Variants in ATP8B4 observed in about 807,000 individuals in gnomAD.
The protein encoded by ATP8B4 is ATPase phospholipid transporting 8B4 (putative).
ATP8B4 carries 133 observed loss-of-function variants against 145.6 expected under a neutral mutation model. The ratio of observed to expected loss-of-function variants is 0.91; its 90% CI spans 0.79 to 1.05. The LOEUF (loss-of-function observed/expected upper bound fraction) is 1.05, where lower values mean the gene tolerates loss of function less well. ATP8B4 is among the 50% of genes least tolerant of loss of function. The pLI, the probability that ATP8B4 is intolerant of heterozygous loss-of-function variation, is 0.00. For missense variants in ATP8B4, 1,458 were observed against 1,425.2 expected, an observed-to-expected ratio of 1.02 and a Z score of -0.37; for synonymous variants, 507 against 492.9, an observed-to-expected ratio of 1.03 and a Z score of -0.38.
chr15:50,168,320 T>C (rs1361921126), intron 1 of ATP8B4, among the ~76,000 whole-genome samples: 1 of 152,004 alleles, frequency 6.6e-6, no homozygotes. Context: ...AGTAGACTGC[T>C]CCTGCAGGAC....
intron 2 of ATP8B4, among the ~76,000 whole-genome samples, chr15:50,097,759 A>G (rs1045199275): frequency 8.5e-5 from 13 of 152,192 alleles, no homozygotes; most frequent in African/African-American, 3.1e-4. Context: ...ACTGGACAAC[A>G]CTATTTTTGT....
chr15:49,935,993 A>T (rs552134802), intron 14 of ATP8B4, among the ~76,000 whole-genome samples: 7 of 150,972 alleles, frequency 4.6e-5, no homozygotes, highest in South Asian at 2.1e-4. Flanking sequence ...CAACCTATTT[A>T]TTTTTTTTTC....
chr15:49,939,185 CA>C (rs138763269), intron 14 of ATP8B4, among the ~76,000 whole-genome samples: 7 of 151,348 alleles, frequency 4.6e-5, no homozygotes, highest in Admixed American at 2.6e-4. Context: ...CGCATACCTA[CA>C]AAAAAAAGAA....
intron 18 of ATP8B4, among the ~76,000 whole-genome samples, chr15:49,919,209 C>T (rs1726966972): frequency 1.3e-5 from 2 of 152,128 alleles, no homozygotes; most frequent in Non-Finnish European, 2.9e-5. Flanking sequence ...GCTCAGATAA[C>T]ATGTTAGCGT....
chr15:49,946,053 T>TAA (rs1354773580), intron 14 of ATP8B4, among the ~76,000 whole-genome samples: 2 of 152,094 alleles, frequency 1.3e-5, no homozygotes, highest in Admixed American at 6.5e-5. Context: ...AAGGAAGAAA[T>TAA]AAAAATGTCC....
At chr15:50,062,670 G>A (rs934274038) in intron 3 of ATP8B4, among the ~76,000 whole-genome samples, 2 of 151,956 alleles carry the variant, frequency 1.3e-5, no homozygotes, top group African/African-American at 4.8e-5. Flanking sequence ...ATAACCTATA[G>A]AACTTCTTTT....
chr15:50,172,847 A>G (rs986501053), intron 1 of ATP8B4, among the ~76,000 whole-genome samples: 2 of 150,614 alleles, frequency 1.3e-5, no homozygotes, highest in African/African-American at 4.9e-5. Context: ...CCCGTCTGGG[A>G]GGTGAGGAGC....
chr15:50,037,559 C>T (rs1379405873), intron 6 of ATP8B4, among the ~76,000 whole-genome samples: 1 of 152,182 alleles, frequency 6.6e-6, no homozygotes, highest in African/African-American at 2.4e-5. Context: ...TTAAAAACTT[C>T]CCCAAGACCA....
At chr15:50,091,798 A>G (rs2055627956) in intron 2 of ATP8B4, among the ~76,000 whole-genome samples, 1 of 152,142 alleles carries the variant, frequency 6.6e-6, no homozygotes, top group Admixed American at 6.6e-5. Context: ...ATTCTTATAA[A>G]CTTATAAAAC....
chr15:50,060,587 A>G (rs953548648), intron 3 of ATP8B4, among the ~76,000 whole-genome samples: 1 of 152,194 alleles, frequency 6.6e-6, no homozygotes, highest in African/African-American at 2.4e-5. Context: ...GAGATAATAC[A>G]TGTAAAGTGC....
At chr15:50,025,468 C>T (rs1342168542) in intron 6 of ATP8B4, among the ~76,000 whole-genome samples, 4 of 152,190 alleles carry the variant, frequency 2.6e-5, no homozygotes, top group Non-Finnish European at 4.4e-5. Flanking sequence ...CTCCACAGGA[C>T]CTTTGCACAT....
At chr15:50,122,193 A>G (rs1357181453), upstream of ATP8B4, among the ~76,000 whole-genome samples, 2 of 152,156 alleles carry the variant, frequency 1.3e-5, no homozygotes, top group East Asian at 3.8e-4. Flanking sequence ...AACAAGTGGG[A>G]TGGCCTGGCC....
intron 14 of ATP8B4, among the ~76,000 whole-genome samples, chr15:49,938,975 C>T (rs1229081172): frequency 6.6e-6 from 1 of 152,028 alleles, no homozygotes; most frequent in Non-Finnish European, 1.5e-5. Context: ...CACACAATTA[C>T]ATGTAAATTA....
intron 14 of ATP8B4, among the ~76,000 whole-genome samples, chr15:49,950,553 CTTCT>C (rs1380153214): frequency 7.1e-6 from 1 of 141,004 alleles, no homozygotes; most frequent in East Asian, 2.1e-4. Flanking sequence ...TCTCTCTCTT[CTTCT>C]TTTTTAGTCT....
chr15:49,860,386 T>C lies in ATP8B4; in HGVS notation c.3387A>G (p.Gly1129=). Residue 1129 remains glycine, a synonymous_variant, in exon 28 of 28, where the codon GGA becomes GGG. Transcript: ENST00000284509. The part of the protein sequence containing the change: ...RTRRSSSRRS[G]YAFAHQEGYG... ...AGCCTTCTTGGTGAGCAAAAGCATATCCAGACCTTCTTGAGCTTGACCTGC... is the reference window on the plus strand; with the variant it reads ...AGCCTTCTTGGTGAGCAAAAGCATACCCAGACCTTCTTGAGCTTGACCTGC... 1 of 1,614,120 alleles carries C rather than the reference T, an allele frequency of 6.2e-7. No individual in the cohort carries two copies. The highest frequency in any genetic ancestry group is 8.5e-7 in the Non-Finnish European group (1 of 1,179,998).
intron 2 of ATP8B4, among the ~76,000 whole-genome samples, chr15:50,092,253 C>T (rs1449601957): frequency 6.6e-6 from 1 of 152,116 alleles, no homozygotes; most frequent in Non-Finnish European, 1.5e-5. Context: ...AGACAATCTG[C>T]TCCTTCTCTA....
chr15:50,003,957 C>A (rs1415085459), intron 7 of ATP8B4, among the ~76,000 whole-genome samples: 1 of 152,176 alleles, frequency 6.6e-6, no homozygotes, highest in Non-Finnish European at 1.5e-5. Context: ...CAGCTTCCCA[C>A]AGGCTGACCC....
chr15:49,991,593 C>G (rs2047050611), intron 9 of ATP8B4, among the ~76,000 whole-genome samples: 1 of 152,106 alleles, frequency 6.6e-6, no homozygotes, highest in Non-Finnish European at 1.5e-5. Flanking sequence ...AATATTAGAT[C>G]AAGTTATGTA....
chr15:50,044,644 A>G lies in ATP8B4; in HGVS notation c.250T>C (p.Leu84=), dbSNP rs763715376. 1 of 1,613,570 alleles carries G rather than the reference A, an allele frequency of 6.2e-7. No individual in the cohort carries two copies. Among genetic ancestry groups the G allele is most frequent in the South Asian group, 1.1e-5 (1 of 90,996 alleles). The change falls in exon 5 of 28, where the codon TTG becomes CTG. Residue 84 remains leucine, a synonymous_variant. Coordinates refer to ENST00000284509, the MANE Select transcript of ATP8B4 (RefSeq NM_024837.4). ...SLTWFTTIVP[L]VLVITMTAVK... The stretch of plus-strand genomic sequence containing the variant: ...GCTGTCATAGTTATCACCAGGACCA[A>G]AGGCACAATGGTGGTAAACCAGGTC...
Sources: gnomAD v4.1 joint callset for allele counts (sites outside exome capture counted in the v4.1 genomes callset) on GRCh38, gnomAD v4.1.1 for gene constraint, MANE v1.5 for transcripts, NCBI Gene and HGNC (gene_info 2026-07-23, HGNC 2026-07-21) for gene names.